CSRNP3: variants seen among roughly 807,000 people sequenced by gnomAD.
The protein encoded by CSRNP3 is cysteine/serine-rich nuclear protein 3.
Under a neutral mutation model 48.0 loss-of-function variants are expected in CSRNP3, and 12 were observed. That is an observed-to-expected ratio of 0.25 (90% CI 0.16 to 0.41). CSRNP3 has a LOEUF of 0.41. Among genes scored for constraint, CSRNP3 ranks in the 10% least tolerant of loss-of-function variants. The pLI is 1.00. For synonymous variants in CSRNP3, 263 were observed against 269.7 expected, an observed-to-expected ratio of 0.98 and a Z score of 0.24; for missense variants, 580 against 724.4, an observed-to-expected ratio of 0.80 and a Z score of 2.29.
At position 165,580,581 on chromosome 2, in the gene CSRNP3, G is replaced by A. The variant is rs76777615; in HGVS notation, c.-23-14462G>A. Among the ~76,000 whole-genome samples, 176 of 152,196 alleles carry A rather than the reference G, an allele frequency of 1.2e-3. 4 individuals are homozygous for A. The East Asian group carries it at 0.032, about 28-fold the overall frequency. On this transcript the variant is annotated intron_variant, in intron 3 of 6. Transcript: ENST00000651982. Reference sequence around the variant, plus strand: ...TTGGATGGGTATAGTTCTAAAGCTTGCCCATATTTTATTCTGATGTCTATT... The same window carrying A: ...TTGGATGGGTATAGTTCTAAAGCTTACCCATATTTTATTCTGATGTCTATT...
chr2:165,667,370 G>A (rs1397565280), intron 5 of CSRNP3, among the ~76,000 whole-genome samples: 1 of 152,120 alleles, frequency 6.6e-6, no homozygotes, highest in African/African-American at 2.4e-5. Context: ...AATAATTACT[G>A]CTCTTTTTTG....
At chr2:165,668,384 C>CCTTT (rs1378064033) in intron 5 of CSRNP3, among the ~76,000 whole-genome samples, 23 of 148,022 alleles carry the variant, frequency 1.6e-4, no homozygotes, top group African/African-American at 4.3e-4. Context: ...TGAATCATAT[C>CCTTT]CTTTCTTTCT....
intron 3 of CSRNP3, among the ~76,000 whole-genome samples, chr2:165,542,013 G>A (rs1233704816): frequency 6.6e-6 from 1 of 152,138 alleles, no homozygotes; most frequent in Non-Finnish European, 1.5e-5. Context: ...CCACAGCACT[G>A]TCCATGCTGA....
intron 3 of CSRNP3, among the ~76,000 whole-genome samples, chr2:165,592,614 C>T (rs1229912234): frequency 6.6e-6 from 1 of 152,060 alleles, no homozygotes; most frequent in African/African-American, 2.4e-5. Context: ...TACCCTCATG[C>T]TGTTCTCCTG....
chr2:165,629,519 CT>C (rs1338001862), intron 4 of CSRNP3, among the ~76,000 whole-genome samples: 1 of 152,110 alleles, frequency 6.6e-6, no homozygotes. Context: ...GTTATGATGC[CT>C]TTTGTTGTTT....
intron 3 of CSRNP3, among the ~76,000 whole-genome samples, chr2:165,528,978 G>C (rs138783589): frequency 1.3e-5 from 2 of 152,166 alleles, no homozygotes; most frequent in African/African-American, 2.4e-5. Context: ...GCCAGAGCAG[G>C]GGGGAGCCCT....
intron 3 of CSRNP3, among the ~76,000 whole-genome samples, chr2:165,518,496 G>T (rs1684609421): frequency 6.6e-6 from 1 of 151,862 alleles, no homozygotes; most frequent in Non-Finnish European, 1.5e-5. Context: ...AGGATCTTGG[G>T]AATCTTTTCT....
At chr2:165,535,821 C>T (rs1684874255) in intron 3 of CSRNP3, among the ~76,000 whole-genome samples, 1 of 151,740 alleles carries the variant, frequency 6.6e-6, no homozygotes, top group East Asian at 1.9e-4. Flanking sequence ...TATGGTGAGG[C>T]TGATGTTATA....
intron 4 of CSRNP3, among the ~76,000 whole-genome samples, chr2:165,616,245 G>T (rs1402171652): frequency 1.3e-5 from 2 of 151,870 alleles, no homozygotes; most frequent in East Asian, 1.9e-4. Context: ...GTGTATACTT[G>T]GTTCCTTTCT....
intron 3 of CSRNP3, among the ~76,000 whole-genome samples, chr2:165,528,023 T>C (rs1183475838): frequency 6.6e-6 from 1 of 151,988 alleles, no homozygotes; most frequent in African/African-American, 2.4e-5. Flanking sequence ...TAATAAAAAC[T>C]TTATACTGAA....
chr2:165,682,756 A>G lies in CSRNP3; in HGVS notation c.*3003A>G, dbSNP rs1558975012. ...TTCTATTCAACAAAGAGCTGCCCAC[A>G]TGCCAGGAAAGTGCTACAGTCCTTC... On this transcript the variant is annotated 3_prime_UTR_variant, in exon 7 of 7. Coordinates refer to ENST00000651982, the MANE Select transcript of CSRNP3 (RefSeq NM_001172173.2). The G allele has an allele frequency of 6.6e-6, 1 of 152,082 alleles. No homozygotes were observed. 9.4% of individuals were successfully genotyped at this position (152,082 alleles called of 1,614,324 possible).
chr2:165,501,858 G>A (rs1164523740), intron 2 of CSRNP3, among the ~76,000 whole-genome samples: 2 of 152,032 alleles, frequency 1.3e-5, no homozygotes, highest in Non-Finnish European at 2.9e-5. Context: ...AGATGTTCAT[G>A]AAGATTCCAA....
intron 1 of CSRNP3, among the ~76,000 whole-genome samples, chr2:165,478,981 A>G (rs1167978309): frequency 2.0e-5 from 3 of 152,226 alleles, no homozygotes; most frequent in Non-Finnish European, 4.4e-5. Context: ...GCTATTTATT[A>G]ACTAAAGATA....
chr2:165,546,683 GA>G (rs1271979019), intron 3 of CSRNP3, among the ~76,000 whole-genome samples: 1 of 152,166 alleles, frequency 6.6e-6, no homozygotes, highest in African/African-American at 2.4e-5. Flanking sequence ...GAGCACATTT[GA>G]ATGAGTTCAG....
chr2:165,539,274 G>A (rs1684922422), intron 3 of CSRNP3, among the ~76,000 whole-genome samples: 1 of 151,868 alleles, frequency 6.6e-6, no homozygotes, highest in South Asian at 2.1e-4. Flanking sequence ...TCGTCTGATA[G>A]GGAAGCAGGA....
intron 4 of CSRNP3, among the ~76,000 whole-genome samples, chr2:165,640,355 G>A (rs1202678183): frequency 2.6e-5 from 4 of 152,164 alleles, no homozygotes; most frequent in African/African-American, 9.7e-5. Context: ...TGACAGAGCA[G>A]GATATGAACT....
At chr2:165,675,677 C>A (rs1047999686) in intron 5 of CSRNP3, among the ~76,000 whole-genome samples, 4 of 152,212 alleles carry the variant, frequency 2.6e-5, no homozygotes, top group African/African-American at 9.6e-5. Flanking sequence ...TTGCTGAGAG[C>A]TTGAGGGCCC....
chr2:165,619,169 C>T (rs1201271336), intron 4 of CSRNP3, among the ~76,000 whole-genome samples: 1 of 152,052 alleles, frequency 6.6e-6, no homozygotes, highest in African/African-American at 2.4e-5. Context: ...TAAACTAAAG[C>T]TAAATTTCTT....
intron 4 of CSRNP3, among the ~76,000 whole-genome samples, chr2:165,617,906 T>C (rs1189686969): frequency 1.3e-5 from 2 of 152,152 alleles, no homozygotes; most frequent in African/African-American, 2.4e-5. Flanking sequence ...CACAATGCCA[T>C]AGCACTCTGA....
Sources: allele counts gnomAD v4.1 joint callset (sites outside exome capture counted in the v4.1 genomes callset), GRCh38; gene constraint gnomAD v4.1.1; transcripts MANE v1.5; gene names NCBI Gene and HGNC (gene_info 2026-07-23, HGNC 2026-07-21).